TBCD: variants seen among roughly 807,000 people sequenced by gnomAD.
TBCD encodes the protein tubulin-specific chaperone D.
A neutral mutation model predicts 169.3 loss-of-function variants in TBCD; 105 were observed. The ratio of observed to expected loss-of-function variants is 0.62; its 90% confidence interval spans 0.53 to 0.73. TBCD has a LOEUF of 0.73. Among genes scored for constraint, TBCD ranks in the 30% least tolerant of loss-of-function variants. TBCD has a pLI of 0.00. For synonymous variants in TBCD, 700 were observed against 643.9 expected (o/e 1.09, Z -1.32); for missense variants, 1,444 against 1,600.1 (o/e 0.90, Z 1.66).
rs932552135 is a variant in TBCD, at chr17:82,799,343, G to T, written c.818-1521G>T. Among the ~76,000 whole-genome samples the T allele has an allele frequency of 2.0e-5, 3 of 150,748 alleles. 1 individual carries two copies. Among genetic ancestry groups the T allele is most frequent in the African/African-American group, 7.3e-5 (3 of 41,006 alleles). ...CTGTAATCCCAGCTACTCGGGAGGC[G>T]GAGGCAGGAGAATCCCTTGAGCCAG... On this transcript the variant is annotated intron_variant, in intron 8 of 38. Coordinates refer to ENST00000355528, the MANE Select transcript of TBCD (RefSeq NM_005993.5).
chr17:82,873,695 C>T (rs773274537), intron 14 of TBCD, among the ~76,000 whole-genome samples: 9 of 152,154 alleles, frequency 5.9e-5, no homozygotes, highest in Admixed American at 1.3e-4. Flanking sequence ...CCTGCCGATG[C>T]GCGGGGAGCC....
At chr17:82,900,486 CTCTTT>C (rs765522807) in intron 17 of TBCD, 160 bp from the exon 18 acceptor site, 23 of 615,654 alleles carry the variant, frequency 3.7e-5, no homozygotes, top group Non-Finnish European at 4.7e-5. Flanking sequence ...TGCACAGATG[CTCTTT>C]TCTTTTGGGT....
intron 37 of TBCD, 24 bp from the exon 38 acceptor site, chr17:82,941,375 T>G (rs1254823663): frequency 6.4e-7 from 1 of 1,561,856 alleles, no homozygotes; most frequent in African/African-American, 1.4e-5. Context: ...CTCGAGAGAC[T>G]CACGGCTCTC....
In TBCD at chr17:82,832,654, C is replaced by A; in HGVS notation, c.1318+17720C>A. On this transcript the variant is annotated intron_variant, in intron 13 of 38. Coordinates refer to ENST00000355528, the MANE Select transcript of TBCD (RefSeq NM_005993.5). The surrounding 1 kb of genome is among the most constrained non-coding windows in gnomAD (Gnocchi z 4.9). ...GCTGGGAGCTGTAATAAAGAGCAGT[C>A]TTGGTGTCAGGACAGCGAGTGAGGG... The A allele has an allele frequency of 1.6e-6, 1 of 620,150 alleles. No homozygotes were observed. Among genetic ancestry groups the A allele is most frequent in the Non-Finnish European group, 2.8e-6 (1 of 351,770 alleles). 38.4% of individuals were successfully genotyped at this position (620,150 alleles called of 1,614,324 possible).
chr17:82,842,497 C>G (rs570895252), intron 13 of TBCD, among the ~76,000 whole-genome samples: 1 of 152,296 alleles, frequency 6.6e-6, no homozygotes, highest in African/African-American at 2.4e-5. Flanking sequence ...TCTGCCTTCC[C>G]CGTCACCCAG....
chr17:82,938,422 G>A (rs1344087777), intron 36 of TBCD, among the ~76,000 whole-genome samples: 1 of 152,202 alleles, frequency 6.6e-6, no homozygotes, highest in Non-Finnish European at 1.5e-5. Context: ...GACCCAGGCT[G>A]AAGTGGTTCA....
intron 13 of TBCD, among the ~76,000 whole-genome samples, chr17:82,844,607 A>G (rs2054843584): frequency 6.6e-6 from 1 of 151,952 alleles, no homozygotes. Flanking sequence ...CTGTCCCTGC[A>G]CTTCCAGGCT....
Position 82,843,269 on chromosome 17 carries a change from G to GTTCTC in TBCD, c.1319-26952_1319-26951insTCTTC, listed in dbSNP as rs1209183609. Among the ~76,000 whole-genome samples the GTTCTC allele has an allele frequency of 7.6e-5, 10 of 131,868 alleles. No individual in the cohort carries two copies. The East Asian group carries it at 2.2e-3, about 29-fold the overall frequency. 86.5% of individuals were successfully genotyped at this position (131,868 alleles called of 152,430 possible). On this transcript the variant is annotated intron_variant, in intron 13 of 38. Coordinates refer to ENST00000355528, the MANE Select transcript of TBCD (RefSeq NM_005993.5). ...TTCTCCAGTTAACACAGCTGTCTGT[G>GTTCTC]TTCCCTTCCCTTCCCCTCCCTGTCC...
intron 20 of TBCD, among the ~76,000 whole-genome samples, chr17:82,907,264 C>T (rs1176906098): frequency 3.3e-5 from 5 of 152,382 alleles, no homozygotes; most frequent in Non-Finnish European, 2.9e-5. Context: ...TGTCAGTGGA[C>T]ATGAGCTGTC....
intron 3 of TBCD, among the ~76,000 whole-genome samples, chr17:82,766,029 A>G (rs571048828): frequency 6.6e-6 from 1 of 152,108 alleles, no homozygotes; most frequent in Non-Finnish European, 1.5e-5. Context: ...GTCTCAAGCT[A>G]TTCTTTTGCC....
intron 11 of TBCD, among the ~76,000 whole-genome samples, chr17:82,809,311 C>G (rs2051252669): frequency 6.6e-6 from 1 of 152,162 alleles, no homozygotes; most frequent in Non-Finnish European, 1.5e-5. Context: ...CATCACCTGG[C>G]CTGATGGGTG....
chr17:82,779,171 C>T (rs2048788678), intron 6 of TBCD, among the ~76,000 whole-genome samples: 1 of 151,930 alleles, frequency 6.6e-6, no homozygotes, highest in Non-Finnish European at 1.5e-5. Flanking sequence ...GCCACCATGC[C>T]CAGCTAATTT....
intron 6 of TBCD, among the ~76,000 whole-genome samples, chr17:82,772,713 T>G (rs1245939525): frequency 6.6e-6 from 1 of 152,168 alleles, no homozygotes; most frequent in Non-Finnish European, 1.5e-5. Context: ...CAGTGGTGGT[T>G]TGGGGTGCTG....
In TBCD at chr17:82,915,353, A is replaced by C. The variant is rs1373467512; in HGVS notation, c.2038+3564A>C. On this transcript the variant is annotated intron_variant, in intron 23 of 38. Coordinates refer to ENST00000355528, the MANE Select transcript of TBCD (RefSeq NM_005993.5). This position sits in a 1 kb window ranked among gnomAD's most constrained non-coding sequence, Gnocchi z 4.3. ...ACCCTTGGGAGTCGTCTGCGTCCCCATATCAAAGAAATGTCATACAGGTTG... is the reference window on the plus strand; with the variant it reads ...ACCCTTGGGAGTCGTCTGCGTCCCCCTATCAAAGAAATGTCATACAGGTTG... Among the ~76,000 whole-genome samples, 4 of 152,152 alleles carry C rather than the reference A, an allele frequency of 2.6e-5. No individual in the cohort carries two copies. The highest frequency in any genetic ancestry group is 5.9e-5 in the Non-Finnish European group (4 of 68,022).
chr17:82,930,813 G>A lies in TBCD; in HGVS notation c.3113+170G>A, dbSNP rs1414222566. ...CGAGGAAGATGTGCCTGCAGCATAT[G>A]GTTCTCCGGGCGGCCAGGCCTCAGC... is the stretch of plus-strand genomic sequence containing the variant. On this transcript the variant is annotated intron_variant, in intron 33 of 38. Transcript: ENST00000355528. The surrounding 1 kb of genome is among the most constrained non-coding windows in gnomAD (Gnocchi z 5.2). Among the ~76,000 whole-genome samples, 2 of 152,216 alleles carry A rather than the reference G, an allele frequency of 1.3e-5. No homozygotes were observed. The highest frequency in any genetic ancestry group is 4.8e-5 in the African/African-American group (2 of 41,464).
chr17:82,877,377 C>A (rs571349889), intron 14 of TBCD, among the ~76,000 whole-genome samples: 109 of 152,010 alleles, frequency 7.2e-4, no homozygotes, highest in African/African-American at 2.6e-3. Flanking sequence ...ACGGAGTCTT[C>A]CTCTGTCGCC....
chr17:82,844,148 G>A (rs2054790460), intron 13 of TBCD, among the ~76,000 whole-genome samples: 1 of 149,684 alleles, frequency 6.7e-6, no homozygotes. Flanking sequence ...TCTTATCTAA[G>A]GATTTTAGTG....
Position 82,944,550 on chromosome 17 carries a change from C to G in TBCD, c.*2087C>G, listed in dbSNP as rs1185756450. ...CTCCGAGAAGGTGTTCAGAAAACCT[C>G]TCTGAAGGGGCAGCATTTGGGCAGA... On this transcript the variant is annotated 3_prime_UTR_variant, in exon 39 of 39. Transcript: ENST00000355528. 1.3e-5 allele frequency: 2 copies of G among 152,258 alleles called. No homozygotes were observed. The highest frequency in any genetic ancestry group is 4.8e-5 in the African/African-American group (2 of 41,456). 9.4% of individuals were successfully genotyped at this position (152,258 alleles called of 1,614,324 possible).
At chr17:82,783,612 C>T (rs572991358) in intron 7 of TBCD, among the ~76,000 whole-genome samples, 1 of 152,228 alleles carries the variant, frequency 6.6e-6, no homozygotes, top group East Asian at 1.9e-4. Context: ...ACGACACAGC[C>T]TTTTGCGTCT....
Sources: gnomAD v4.1 joint callset for allele counts (sites outside exome capture counted in the v4.1 genomes callset) on GRCh38, gnomAD v4.1.1 for gene constraint, Gnocchi (gnomAD v3.1) non-coding constraint, MANE v1.5 for transcripts, NCBI Gene and HGNC (gene_info 2026-07-23, HGNC 2026-07-21) for gene names.